The following NEK4 variants were observed in gnomAD, a reference collection of about 807,000 sequenced individuals.
NEK4 encodes NIMA related kinase 4, also known as serine/threonine-protein kinase Nek4.
A neutral mutation model predicts 98.4 loss-of-function variants in NEK4; 86 were observed. The observed-to-expected ratio is 0.87, with a 90% CI of 0.73 to 1.05. The LOEUF (loss-of-function observed/expected upper bound fraction) is 1.05. Among genes scored for constraint, NEK4 ranks in the 50% least tolerant of loss-of-function variants. The probability of loss-of-function intolerance (pLI) is 0.00; values close to 1 mark genes in which losing one functional copy is unlikely to be tolerated. For synonymous variants in NEK4, 328 were observed against 342.2 expected (o/e 0.96, Z 0.46); for missense variants, 898 against 950.3 (o/e 0.94, Z 0.72).
In NEK4 at chr3:52,729,263, A is replaced by T. The variant is rs187502428; in HGVS notation, c.2433+8323T>A. Among the ~76,000 whole-genome samples, 978 of 152,176 alleles carry T rather than the reference A, an allele frequency of 6.4e-3. 10 individuals are homozygous for T. The highest frequency in any genetic ancestry group is 0.022 in the African/African-American group (926 of 41,512). On this transcript the variant is annotated intron_variant, in intron 15 of 15. Transcript: ENST00000233027. The stretch of plus-strand genomic sequence containing the variant: ...TCACCCCCAGAGGCCCAGTACAAAA[A>T]TTCCTCTCTTTGTACTCTTTCTCTT...
Position 52,710,716 on chromosome 3 carries a change from C to G in NEK4, c.*1061G>C, listed in dbSNP as rs943629052. The G allele has an allele frequency of 1.3e-5, 2 of 151,596 alleles. No individual in the cohort carries two copies. The highest frequency in any genetic ancestry group is 4.9e-5 in the African/African-American group (2 of 41,234). 9.4% of individuals were successfully genotyped at this position (151,596 alleles called of 1,614,324 possible). On this transcript the variant is annotated 3_prime_UTR_variant, in exon 16 of 16. Transcript: ENST00000233027. Reference sequence around the variant, plus strand: ...AGTGGAGGTTGCAGTGAGTTGAGATCATGCCACTGCACTCCAGCCTGACTG... The same window carrying G: ...AGTGGAGGTTGCAGTGAGTTGAGATGATGCCACTGCACTCCAGCCTGACTG...
chr3:52,746,014 C>T (rs773806976), intron 10 of NEK4, 47 bp downstream of exon 10: 9 of 1,570,222 alleles, frequency 5.7e-6, no homozygotes, highest in South Asian at 2.3e-5. Context: ...TGATACACCA[C>T]GTCTGGTTAT....
chr3:52,727,122 G>A (rs1561290402), intron 15 of NEK4, among the ~76,000 whole-genome samples: 2 of 151,944 alleles, frequency 1.3e-5, no homozygotes, highest in Non-Finnish European at 1.5e-5. Flanking sequence ...TTACAGATGT[G>A]TACCACCATG....
Position 52,763,613 on chromosome 3 carries a change from C to T in NEK4, c.678G>A (p.Met226Ile). The T allele has an allele frequency of 1.9e-6, 3 of 1,591,938 alleles. No individual in the cohort carries two copies. The highest frequency in any genetic ancestry group is 2.6e-6 in the Non-Finnish European group (3 of 1,170,476). Residue 226 changes from methionine to isoleucine, a missense_variant, in exon 5 of 16, where the codon ATG becomes ATA. Transcript: ENST00000233027. ...YRIIEGKLPP[M>I]PRDYSPELAE... ...CCAGCTCTGGGCTGTAATCTCTTGG[C>T]ATTGGTGGCAGCTACAAATAAAAAT...
At chr3:52,763,960 A>C (rs1399367107) in intron 4 of NEK4, among the ~76,000 whole-genome samples, 2 of 152,168 alleles carry the variant, frequency 1.3e-5, no homozygotes, top group African/African-American at 2.4e-5. Flanking sequence ...CCCTTAGGGG[A>C]TTTGTGGAAT....
intron 15 of NEK4, among the ~76,000 whole-genome samples, chr3:52,725,708 C>T (rs932023131): frequency 2.6e-5 from 4 of 151,502 alleles, no homozygotes; most frequent in Non-Finnish European, 4.4e-5. Flanking sequence ...ATGGTAACCA[C>T]AGAGAAAACA....
chr3:52,768,368 C>T lies in NEK4; in HGVS notation c.330G>A (p.Glu110=). 6.2e-7 allele frequency: 1 copy of T among 1,614,198 alleles called. No individual in the cohort carries two copies. The highest frequency in any genetic ancestry group is 1.1e-5 in the South Asian group (1 of 91,076). Reference sequence around the variant, plus strand: ...AAGCCATGGCGATCTGTACAAACCACTCTACCACCTGATTCTCAGGCAGAA... The same window carrying T: ...AAGCCATGGCGATCTGTACAAACCATTCTACCACCTGATTCTCAGGCAGAA... ...GQLLPENQVV[E]WFVQIAMALQ... The change falls in exon 2 of 16, where the codon GAG becomes GAA. Residue 110 remains glutamate (E), a synonymous_variant. Transcript: ENST00000233027.
At chr3:52,735,301 T>C (rs1034151794) in intron 15 of NEK4, among the ~76,000 whole-genome samples, 1 of 152,258 alleles carries the variant, frequency 6.6e-6, no homozygotes, top group Non-Finnish European at 1.5e-5. Flanking sequence ...GCGAAATTTA[T>C]TTTGGTGTTA....
At chr3:52,735,385 C>G (rs780056780) in intron 15 of NEK4, among the ~76,000 whole-genome samples, 3 of 152,184 alleles carry the variant, frequency 2.0e-5, no homozygotes, top group Non-Finnish European at 4.4e-5. Context: ...AAAAATATTA[C>G]TTTAAGATCA....
intron 3 of NEK4, 52 bp from the exon 4 acceptor site, chr3:52,766,046 T>C: frequency 6.9e-7 from 1 of 1,457,932 alleles, no homozygotes; most frequent in Non-Finnish European, 9.5e-7. Context: ...TTATTTACAT[T>C]TTTTTCCCTT....
intron 15 of NEK4, among the ~76,000 whole-genome samples, chr3:52,719,286 A>C (rs965414376): frequency 3.9e-5 from 6 of 152,208 alleles, no homozygotes; most frequent in East Asian, 3.8e-4. Context: ...GATGTAAACT[A>C]AACTATAGGG....
chr3:52,770,165 T>C (rs1381758516), intron 1 of NEK4, among the ~76,000 whole-genome samples: 2 of 151,988 alleles, frequency 1.3e-5, no homozygotes, highest in African/African-American at 2.4e-5. Context: ...ACGGAAGACA[T>C]GAGAGAAGGT....
At chr3:52,738,183 T>C (rs2097379589) in intron 14 of NEK4, among the ~76,000 whole-genome samples, 1 of 151,964 alleles carries the variant, frequency 6.6e-6, no homozygotes, top group South Asian at 2.1e-4. Context: ...CATAGCTCAC[T>C]ATAGCCTCTA....
chr3:52,738,519 T>C (rs1002607925), intron 14 of NEK4, among the ~76,000 whole-genome samples: 9 of 151,876 alleles, frequency 5.9e-5, no homozygotes, highest in African/African-American at 1.9e-4. Flanking sequence ...GGCATGCTCA[T>C]GGCTCACTGC....
chr3:52,744,536 T>C (rs1427590097), intron 10 of NEK4, among the ~76,000 whole-genome samples: 1 of 151,706 alleles, frequency 6.6e-6, no homozygotes, highest in African/African-American at 2.4e-5. Context: ...ATACAAAAAT[T>C]AGCCGAGCAT....
chr3:52,737,821 A>G (rs760754859), intron 14 of NEK4, 102 bp from the exon 15 acceptor site: 1 of 898,006 alleles, frequency 1.1e-6, no homozygotes, highest in Non-Finnish European at 1.6e-6. Context: ...TTATTTATTT[A>G]TTTTATTTTT....
intron 15 of NEK4, 120 bp downstream of exon 15, chr3:52,737,466 T>TA: frequency 9.3e-7 from 1 of 1,074,124 alleles, no homozygotes; most frequent in Non-Finnish European, 1.4e-6. Context: ...GTAAACACAT[T>TA]AAAAACCACT....
In NEK4 at chr3:52,710,258, G is replaced by T. The variant is rs1199968052; in HGVS notation, c.*1519C>A. 6.6e-6 allele frequency: 1 copy of T among 151,978 alleles called. No individual in the cohort carries two copies. The highest frequency in any genetic ancestry group is 1.5e-5 in the Non-Finnish European group (1 of 68,014). The allele number at this position is 151,978 out of a possible 1,614,324, so 9.4% of individuals were successfully genotyped here. ...CGGGCAACTGTAGTCCCAGCTACTC[G>T]AGAGGATGAGGTAGGAGAATGGAGT... On this transcript the variant is annotated 3_prime_UTR_variant, in exon 16 of 16. Transcript: ENST00000233027.
intron 15 of NEK4, among the ~76,000 whole-genome samples, chr3:52,720,335 GAAAGAAGCA>G (rs2097358985): frequency 6.6e-6 from 1 of 151,290 alleles, no homozygotes; most frequent in Non-Finnish European, 1.5e-5. Flanking sequence ...TCAAAAAAAA[GAAAGAAGCA>G]GAAAAAAAAA....
Sources: gnomAD v4.1 joint callset for allele counts (sites outside exome capture counted in the v4.1 genomes callset) on GRCh38, gnomAD v4.1.1 for gene constraint, MANE v1.5 for transcripts, NCBI Gene and HGNC (gene_info 2026-07-23, HGNC 2026-07-21) for gene names.